The following AUTS2 variants were observed in gnomAD, a reference collection of about 807,000 sequenced individuals.
AUTS2 encodes autism susceptibility gene 2 protein.
AUTS2 carries 17 observed loss-of-function variants against 112.4 expected under a neutral mutation model. That is an observed-to-expected ratio of 0.15 (90% confidence interval 0.10 to 0.23). The LOEUF is 0.23. Ranked by LOEUF, AUTS2 falls within the 10% of genes least tolerant of loss-of-function variation. AUTS2 has a pLI of 1.00. For missense variants in AUTS2, 1,510 were observed against 1,701.6 expected, an observed-to-expected ratio of 0.89 and a Z score of 1.98; for synonymous variants, 751 against 702.7, an observed-to-expected ratio of 1.07 and a Z score of -1.09.
Position 69,774,423 on chromosome 7 carries a change from T to TAA in AUTS2, c.310-124863_310-124862insAA, listed in dbSNP as rs200886906. 2.3e-3 allele frequency among the ~76,000 whole-genome samples: 354 copies of TAA among 152,320 alleles called. 1 individual carries two copies. Among genetic ancestry groups the TAA allele is most frequent in the African/African-American group, 7.5e-3 (310 of 41,564 alleles). ...AAAAATAAAATAAGTAAATATCTTT[T>TAA]GATGTCCGGGATACAGTCAAAAATC... is the stretch of plus-strand genomic sequence containing the variant. On this transcript the variant is annotated intron_variant, in intron 1 of 18. Transcript: ENST00000342771.
At chr7:69,834,638 A>G (rs552557317) in intron 1 of AUTS2, among the ~76,000 whole-genome samples, 12 of 151,518 alleles carry the variant, frequency 7.9e-5, no homozygotes, top group Non-Finnish European at 1.8e-4. Context: ...TCTCAGCCTT[A>G]TGTGTAGCAA....
At chr7:69,889,921 G>A (rs913912309) in intron 1 of AUTS2, among the ~76,000 whole-genome samples, 2 of 152,068 alleles carry the variant, frequency 1.3e-5, no homozygotes, top group Non-Finnish European at 2.9e-5. Context: ...TTTTGGACTC[G>A]TCCTTTGTGT....
intron 4 of AUTS2, among the ~76,000 whole-genome samples, chr7:70,269,458 C>G (rs149074238): frequency 6.6e-6 from 1 of 152,288 alleles, no homozygotes; most frequent in East Asian, 1.9e-4. Context: ...TAAGGACCCA[C>G]TGGTTCATGG....
At chr7:70,732,077 C>T (rs1174651757) in intron 6 of AUTS2, among the ~76,000 whole-genome samples, 1 of 152,110 alleles carries the variant, frequency 6.6e-6, no homozygotes, top group East Asian at 1.9e-4. Context: ...TCGGGTGTTG[C>T]ATCTGAGTGA....
intron 1 of AUTS2, among the ~76,000 whole-genome samples, chr7:69,771,092 G>A (rs1788643431): frequency 6.6e-6 from 1 of 152,202 alleles, no homozygotes; most frequent in Admixed American, 6.5e-5. Context: ...GAAGAACTGT[G>A]AATGAGTAGC....
intron 1 of AUTS2, among the ~76,000 whole-genome samples, chr7:69,699,637 ATG>A (rs1371039987): frequency 1.4e-5 from 2 of 144,546 alleles, no homozygotes; most frequent in African/African-American, 5.2e-5. Flanking sequence ...TGCAGTGATA[ATG>A]TTTTTTTTTT....
chr7:69,980,710 T>C (rs981652470), intron 2 of AUTS2, among the ~76,000 whole-genome samples: 7 of 152,164 alleles, frequency 4.6e-5, no homozygotes, highest in African/African-American at 1.2e-4. Flanking sequence ...TGGCTATACA[T>C]TGGAACTACC....
intron 2 of AUTS2, among the ~76,000 whole-genome samples, chr7:69,934,092 T>C (rs193226228): frequency 1.3e-5 from 2 of 152,356 alleles, no homozygotes; most frequent in Admixed American, 1.3e-4. Context: ...CTAGTTTTTA[T>C]CCTGGAGCGA....
intron 5 of AUTS2, among the ~76,000 whole-genome samples, chr7:70,566,882 G>A (rs1227011455): frequency 1.3e-5 from 2 of 152,164 alleles, no homozygotes; most frequent in African/African-American, 2.4e-5. Context: ...TTTCACTGTC[G>A]GTTCTAATAA....
At chr7:70,421,092 G>T (rs1255837993) in intron 4 of AUTS2, among the ~76,000 whole-genome samples, 1 of 152,106 alleles carries the variant, frequency 6.6e-6, no homozygotes, top group Non-Finnish European at 1.5e-5. Context: ...TAGCTAAATA[G>T]GGGTTTTAGA....
At chr7:69,626,606 T>C (rs756324984) in intron 1 of AUTS2, among the ~76,000 whole-genome samples, 3 of 152,190 alleles carry the variant, frequency 2.0e-5, no homozygotes, top group Non-Finnish European at 4.4e-5. Flanking sequence ...ATAAATCATA[T>C]GCATAATTCT....
chr7:70,548,485 T>C (rs1800882030), intron 5 of AUTS2, among the ~76,000 whole-genome samples: 1 of 152,188 alleles, frequency 6.6e-6, no homozygotes, highest in Non-Finnish European at 1.5e-5. Flanking sequence ...CTAAGAACTC[T>C]TTGCCTAACC....
intron 1 of AUTS2, among the ~76,000 whole-genome samples, chr7:69,650,277 C>T (rs1795232562): frequency 6.6e-6 from 1 of 152,078 alleles, no homozygotes; most frequent in African/African-American, 2.4e-5. Flanking sequence ...TGAGGGAGGG[C>T]CTTCTTTGTA....
intron 1 of AUTS2, among the ~76,000 whole-genome samples, chr7:69,740,774 G>A (rs4717520): frequency 0.61 from 93,122 of 151,884 alleles, 28,837 homozygotes; most frequent in East Asian, 0.71. Context: ...TGCCCGCCTC[G>A]GCCTCCCAAG....
At chr7:70,005,218 A>G (rs535438929) in intron 2 of AUTS2, among the ~76,000 whole-genome samples, 1 of 152,044 alleles carries the variant, frequency 6.6e-6, no homozygotes, top group African/African-American at 2.4e-5. Flanking sequence ...TTCTTATGGA[A>G]CGTTGATTGA....
At chr7:70,067,851 CT>C (rs1337694299) in intron 2 of AUTS2, among the ~76,000 whole-genome samples, 3 of 144,836 alleles carry the variant, frequency 2.1e-5, no homozygotes, top group Non-Finnish European at 4.5e-5. Context: ...GAGCACCTGT[CT>C]AAAAAAAAAA....
intron 6 of AUTS2, among the ~76,000 whole-genome samples, chr7:70,718,550 C>A (rs1810499240): frequency 6.6e-6 from 1 of 152,158 alleles, no homozygotes; most frequent in Non-Finnish European, 1.5e-5. Context: ...TTGATCCCAG[C>A]TACTTAGGTG....
intron 4 of AUTS2, among the ~76,000 whole-genome samples, chr7:70,380,901 A>G (rs577829658): frequency 3.3e-5 from 5 of 152,372 alleles, no homozygotes; most frequent in South Asian, 2.1e-4. Context: ...GAAATATGCT[A>G]TCAAACACAT....
At chr7:70,669,377 G>A in intron 5 of AUTS2, among the ~76,000 whole-genome samples, 1 of 152,192 alleles carries the variant, frequency 6.6e-6, no homozygotes, top group East Asian at 1.9e-4. Context: ...GACTTCTAAG[G>A]ATCTTGTTTC....
Sources: gnomAD v4.1 joint callset for allele counts (sites outside exome capture counted in the v4.1 genomes callset) on GRCh38, gnomAD v4.1.1 for gene constraint, MANE v1.5 for transcripts, NCBI Gene and HGNC (gene_info 2026-07-23, HGNC 2026-07-21) for gene names.